The following GNAQ variants were observed in gnomAD, a reference collection of about 807,000 sequenced individuals.
GNAQ encodes the protein guanine nucleotide-binding protein G(q) subunit alpha.
GNAQ carries 8 observed loss-of-function variants against 43.9 expected under a neutral mutation model. The observed-to-expected ratio is 0.18, with a 90% confidence interval of 0.11 to 0.33. The LOEUF (loss-of-function observed/expected upper bound fraction) is 0.33, where lower values mean the gene tolerates loss of function less well. GNAQ is among the 10% of genes least tolerant of loss of function. The probability of loss-of-function intolerance (pLI) is 1.00; values close to 1 mark genes in which losing one functional copy is unlikely to be tolerated. For synonymous variants in GNAQ, 155 were observed against 170.7 expected (o/e 0.91, Z 0.71); for missense variants, 158 against 450.8 (o/e 0.35, Z 5.88).
intron 3 of GNAQ, among the ~76,000 whole-genome samples, chr9:77,803,904 C>T (rs553125281): frequency 3.9e-5 from 6 of 152,258 alleles, no homozygotes; most frequent in South Asian, 2.1e-4. Flanking sequence ...ATTCTTTACA[C>T]GCTGAATGTC....
chr9:77,908,103 A>T (rs1828741166), intron 2 of GNAQ, among the ~76,000 whole-genome samples: 1 of 152,150 alleles, frequency 6.6e-6, no homozygotes, highest in Admixed American at 6.5e-5. Context: ...GAGCATATTA[A>T]ATGAAAAAGG....
At chr9:77,919,092 G>GT (rs900667797) in intron 2 of GNAQ, among the ~76,000 whole-genome samples, 13 of 152,198 alleles carry the variant, frequency 8.5e-5, no homozygotes, top group Non-Finnish European at 1.8e-4. Context: ...GCTAATTTTT[G>GT]TATTTTTAGT....
At chr9:77,876,949 G>A (rs1828135279) in intron 2 of GNAQ, among the ~76,000 whole-genome samples, 1 of 151,984 alleles carries the variant, frequency 6.6e-6, no homozygotes, top group Admixed American at 6.6e-5. Flanking sequence ...AGTAACTGAG[G>A]AAAAATCAAT....
At chr9:77,979,720 C>G (rs889169703) in intron 1 of GNAQ, among the ~76,000 whole-genome samples, 1 of 152,176 alleles carries the variant, frequency 6.6e-6, no homozygotes, top group Non-Finnish European at 1.5e-5. Context: ...AAGATACTTT[C>G]ACAAGCAACA....
chr9:77,840,240 C>CCT (rs375524821), intron 2 of GNAQ, among the ~76,000 whole-genome samples: 6 of 152,176 alleles, frequency 3.9e-5, no homozygotes, highest in African/African-American at 1.4e-4. Context: ...TAGAACATTA[C>CCT]CTCCTTCAAA....
intron 1 of GNAQ, among the ~76,000 whole-genome samples, chr9:77,996,223 T>C (rs1315666354): frequency 6.6e-6 from 1 of 152,210 alleles, no homozygotes; most frequent in Non-Finnish European, 1.5e-5. Context: ...TTATCTTGAA[T>C]TAACTGAGGC....
rs564711019 is a variant in GNAQ, at chr9:77,762,477, G to T, written c.735+31986C>A. On this transcript the variant is annotated intron_variant, in intron 5 of 6. Transcript: ENST00000286548. Reference sequence around the variant, plus strand: ...CCGCCCCATCCGGGAGGGAGGTGGGGGGGTCAGCCCCCCGCCTGGCCAGCC... The same window carrying T: ...CCGCCCCATCCGGGAGGGAGGTGGGTGGGTCAGCCCCCCGCCTGGCCAGCC... Among the ~76,000 whole-genome samples the T allele has an allele frequency of 1.9e-3, 268 of 144,668 alleles. 4 individuals are homozygous for T. The highest frequency in any genetic ancestry group is 5.9e-3 in the African/African-American group (221 of 37,628). The allele number at this position is 144,668 out of a possible 152,430, so 94.9% of individuals were successfully genotyped here.
At chr9:77,818,446 TAA>T (rs758876754) in intron 2 of GNAQ, among the ~76,000 whole-genome samples, 22 of 131,284 alleles carry the variant, frequency 1.7e-4, no homozygotes, top group African/African-American at 1.7e-4. Context: ...CAATTTTTTG[TAA>T]AAAAAAAAAA....
intron 5 of GNAQ, among the ~76,000 whole-genome samples, chr9:77,765,502 C>G (rs77687271): frequency 3.9e-5 from 6 of 151,958 alleles, no homozygotes; most frequent in Non-Finnish European, 8.8e-5. Context: ...AAACGGCCAA[C>G]GAACACATGA....
At chr9:78,011,374 C>A (rs1823770702) in intron 1 of GNAQ, among the ~76,000 whole-genome samples, 1 of 151,976 alleles carries the variant, frequency 6.6e-6, no homozygotes, top group Non-Finnish European at 1.5e-5. Context: ...AATACAAGGG[C>A]CAGACAAAAT....
chr9:77,717,620 T>C lies in GNAQ; in HGVS notation c.*3703A>G, dbSNP rs112483284. On this transcript the variant is annotated 3_prime_UTR_variant, in exon 7 of 7. Transcript: ENST00000286548. Reference sequence around the variant, plus strand: ...TTTACAATCATGTGGCAGTATAAATTTTAAAATTACAGTTCGTACACTTTG... The same window carrying C: ...TTTACAATCATGTGGCAGTATAAATCTTAAAATTACAGTTCGTACACTTTG... The C allele has an allele frequency of 4.3e-6, 1 of 232,302 alleles. No individual in the cohort carries two copies. Among genetic ancestry groups the C allele is most frequent in the Non-Finnish European group, 8.5e-6 (1 of 117,588 alleles). 14.4% of individuals were successfully genotyped at this position (232,302 alleles called of 1,614,324 possible).
intron 5 of GNAQ, among the ~76,000 whole-genome samples, chr9:77,766,404 A>T (rs145118950): frequency 1.2e-4 from 18 of 152,340 alleles, no homozygotes; most frequent in Middle Eastern, 3.4e-3. Flanking sequence ...TGTTCTTGAT[A>T]ACTTCTGAAA....
At chr9:78,019,125 T>C (rs980068189) in intron 1 of GNAQ, among the ~76,000 whole-genome samples, 3 of 152,182 alleles carry the variant, frequency 2.0e-5, no homozygotes, top group African/African-American at 4.8e-5. Context: ...ATTTCCTCCA[T>C]TAAAATGCCA....
intron 2 of GNAQ, among the ~76,000 whole-genome samples, chr9:77,829,909 AC>A (rs977233568): frequency 1.3e-5 from 2 of 152,028 alleles, no homozygotes; most frequent in African/African-American, 4.8e-5. Context: ...TCTAGATCCC[AC>A]CATTGAACAT....
intron 2 of GNAQ, among the ~76,000 whole-genome samples, chr9:77,880,546 ATTTTTTCTGTTTTT>A (rs1368328225): frequency 8.6e-6 from 1 of 115,746 alleles, no homozygotes; most frequent in Non-Finnish European, 1.8e-5. Flanking sequence ...CACCTGGATG[ATTTTTTCTGTTTTT>A]TTTTTTTTGT....
At chr9:77,754,793 A>G (rs1027508839) in intron 5 of GNAQ, among the ~76,000 whole-genome samples, 1 of 152,228 alleles carries the variant, frequency 6.6e-6, no homozygotes, top group Admixed American at 6.5e-5. Context: ...AAATTAGCAC[A>G]GCCACTATGG....
chr9:77,797,514 T>C lies in GNAQ; in HGVS notation c.605+6A>G. The C allele has an allele frequency of 6.2e-7, 1 of 1,610,548 alleles. No individual in the cohort carries two copies. Among genetic ancestry groups the C allele is most frequent in the Non-Finnish European group, 8.5e-7 (1 of 1,177,000 alleles). Reference sequence around the variant, plus strand: ...GGGAAATAGGTTTCATGGACTCAGTTACTACCTGAAAATGACACTTTGTAA... The same window carrying C: ...GGGAAATAGGTTTCATGGACTCAGTCACTACCTGAAAATGACACTTTGTAA... On this transcript the variant is annotated splice_donor_region_variant and intron_variant, in intron 4 of 6. Transcript: ENST00000286548.
At chr9:78,017,029 G>T (rs1312271486) in intron 1 of GNAQ, among the ~76,000 whole-genome samples, 1 of 152,096 alleles carries the variant, frequency 6.6e-6, no homozygotes, top group Non-Finnish European at 1.5e-5. Flanking sequence ...TGCATGAAAA[G>T]AATCATACAG....
intron 2 of GNAQ, among the ~76,000 whole-genome samples, chr9:77,869,009 T>C (rs1232859658): frequency 6.6e-6 from 1 of 152,012 alleles, no homozygotes; most frequent in African/African-American, 2.4e-5. Context: ...GGAAGAAATA[T>C]AAATGCTAAA....
Sources: allele counts gnomAD v4.1 joint callset (sites outside exome capture counted in the v4.1 genomes callset), GRCh38; gene constraint gnomAD v4.1.1; transcripts MANE v1.5; gene names NCBI Gene and HGNC (gene_info 2026-07-23, HGNC 2026-07-21).